The following RETREG3 variants were observed in gnomAD, a reference collection of about 807,000 sequenced individuals.
The protein encoded by RETREG3 is reticulophagy regulator 3.
RETREG3 carries 23 observed loss-of-function variants against 50.2 expected under a neutral mutation model. The ratio of observed to expected loss-of-function variants is 0.46; its 90% CI spans 0.33 to 0.65. RETREG3 has a LOEUF of 0.65. Among genes scored for constraint, RETREG3 ranks in the 30% least tolerant of loss-of-function variants. RETREG3 has a pLI of 0.02. For missense variants in RETREG3, 546 were observed against 598.0 expected, an observed-to-expected ratio of 0.91 and a Z score of 0.91; for synonymous variants, 240 against 234.4, an observed-to-expected ratio of 1.02 and a Z score of -0.22.
rs1398023772 is a variant in RETREG3, at chr17:42,583,516, A to G, written c.792T>C (p.Leu264=). The change falls in exon 7 of 9, where the codon CTT becomes CTC. Residue 264 remains leucine, a synonymous_variant. Transcript: ENST00000309428. The part of the protein sequence containing the change: ...MDNHSDSEEE[L]AAFCPQLDDS... ...AAGATACCTGAGGACAGAAGGCAGCAAGCTCCTCTTCGCTGTCACTGTGGT... is the reference window on the plus strand; with the variant it reads ...AAGATACCTGAGGACAGAAGGCAGCGAGCTCCTCTTCGCTGTCACTGTGGT... 2.5e-6 allele frequency: 4 copies of G among 1,613,656 alleles called. No homozygotes were observed. Among genetic ancestry groups the G allele is most frequent in the Non-Finnish European group, 3.4e-6 (4 of 1,179,808 alleles).
At chr17:42,604,437 A>G (rs1427879750) in intron 1 of RETREG3, among the ~76,000 whole-genome samples, 1 of 152,076 alleles carries the variant, frequency 6.6e-6, no homozygotes, top group African/African-American at 2.4e-5. Context: ...TAGGAGACCA[A>G]GCCGGGAGGG....
chr17:42,585,140 G>A lies in RETREG3; in HGVS notation c.712C>T (p.Gln238Ter). The change falls in exon 6 of 9, where the codon CAG (glutamine) becomes TAG (stop). Residue 238 changes from glutamine (Q) to a stop codon, truncating the protein, a stop_gained. Transcript: ENST00000309428. LOFTEE classifies it high-confidence loss of function. ...TGACACTTACATTGTCTCTCTCTCT[G>A]CTTGGACATCATGTAGCCACGGACA... is the stretch of plus-strand genomic sequence containing the variant. The part of the protein sequence containing the change: ...FSVRGYMMSK[Q>*]RERQLRRRAL... The A allele has an allele frequency of 6.2e-7, 1 of 1,613,144 alleles. No individual in the cohort carries two copies. The highest frequency in any genetic ancestry group is 8.5e-7 in the Non-Finnish European group (1 of 1,180,010).
Position 42,581,413 on chromosome 17 carries a change from T to G in RETREG3, c.*400A>C. On this transcript the variant is annotated 3_prime_UTR_variant, in exon 9 of 9. Transcript: ENST00000309428. ...TAACTACTCCAGCTGCTGCCTGACTTTGGGGGCTCTAGAGAGGCGATGAAA... is the reference window on the plus strand; with the variant it reads ...TAACTACTCCAGCTGCTGCCTGACTGTGGGGGCTCTAGAGAGGCGATGAAA... The G allele has an allele frequency of 6.0e-6, 1 of 166,568 alleles. No homozygotes were observed. Among genetic ancestry groups the G allele is most frequent in the Non-Finnish European group, 1.3e-5 (1 of 77,742 alleles). The allele number at this position is 166,568 out of a possible 1,614,324, so 10.3% of individuals were successfully genotyped here. A position where few individuals can be genotyped will look rare whatever the true frequency, so the allele number is the denominator to read the frequency against.
intron 1 of RETREG3, among the ~76,000 whole-genome samples, chr17:42,601,571 T>C (rs568302137): frequency 1.4e-4 from 15 of 106,234 alleles, no homozygotes; most frequent in Non-Finnish European, 2.3e-4. Context: ...AGCGAGACTC[T>C]CTCAAAAAAA....
chr17:42,587,765 A>G (rs2093124074), intron 3 of RETREG3, 69 bp downstream of exon 3: 1 of 1,568,474 alleles, frequency 6.4e-7, no homozygotes, highest in Non-Finnish European at 8.8e-7. Context: ...GGGGTTAACA[A>G]CATGTAACCA....
chr17:42,587,961 G>T, intron 2 of RETREG3, 97 bp from the exon 3 acceptor site: 1 of 1,382,814 alleles, frequency 7.2e-7, no homozygotes, highest in Non-Finnish European at 1.0e-6. Context: ...TTAATAGGTT[G>T]GGGAAAAGAA....
At chr17:42,605,838 A>C (rs2093166882) in intron 1 of RETREG3, among the ~76,000 whole-genome samples, 1 of 152,038 alleles carries the variant, frequency 6.6e-6, no homozygotes, top group South Asian at 2.1e-4. Flanking sequence ...CAAAAATACA[A>C]AAATTAGCCA....
At chr17:42,589,699 G>A (rs1387422800) in intron 2 of RETREG3, among the ~76,000 whole-genome samples, 3 of 152,136 alleles carry the variant, frequency 2.0e-5, no homozygotes, top group Non-Finnish European at 4.4e-5. Context: ...CTCCCAAAGT[G>A]CTGAGATCAC....
rs1021501639 is a variant in RETREG3, at chr17:42,581,509, C to T, written c.*304G>A. The T allele has an allele frequency of 3.1e-5, 9 of 291,672 alleles. No homozygotes were observed. The Admixed American group carries it at 4.3e-4, about 14-fold the overall frequency. 18.1% of individuals were successfully genotyped at this position (291,672 alleles called of 1,614,324 possible). On this transcript the variant is annotated 3_prime_UTR_variant, in exon 9 of 9. Coordinates refer to ENST00000309428, the MANE Select transcript of RETREG3 (RefSeq NM_178126.4). ...TCATACCTAAAAGCAAACAGCAGCA[C>T]CTCCTCAAAGGGGAACCAATATCCC... is the stretch of plus-strand genomic sequence containing the variant.
At position 42,586,501 on chromosome 17, in the gene RETREG3, T is replaced by A. The variant is rs148742725; in HGVS notation, c.504+264A>T. On this transcript the variant is annotated intron_variant, in intron 4 of 8. Coordinates refer to ENST00000309428, the MANE Select transcript of RETREG3 (RefSeq NM_178126.4). ...ATCACATATTTAATATGACACAGAA[T>A]GTACACAAGAAAGCTTTCTTTCCTA... 48 of 416,994 alleles carry A rather than the reference T, an allele frequency of 1.2e-4. No homozygotes were observed. In the East Asian group the frequency reaches 2.1e-3, roughly 18 times the overall value. The allele number at this position is 416,994 out of a possible 1,614,324, so 25.8% of individuals were successfully genotyped here.
At chr17:42,597,955 G>T (rs1429047356) in intron 1 of RETREG3, among the ~76,000 whole-genome samples, 2 of 142,678 alleles carry the variant, frequency 1.4e-5, no homozygotes, top group Non-Finnish European at 3.1e-5. Flanking sequence ...ATACCACAAA[G>T]AAAACTCTTC....
In RETREG3 at chr17:42,581,476, CT is replaced by C. The variant is rs1436728969; in HGVS notation, c.*336del. 1 of 225,554 alleles carries C rather than the reference CT, an allele frequency of 4.4e-6. No individual in the cohort carries two copies. Among genetic ancestry groups the C allele is most frequent in the Non-Finnish European group, 8.6e-6 (1 of 115,686 alleles). The allele number at this position is 225,554 out of a possible 1,614,324, so 14.0% of individuals were successfully genotyped here. ...GCATGGGCTCTTTCAGTGAGGGCCCCTGAGCACTCATACCTAAAAGCAAACA... is the reference window on the plus strand; with the variant it reads ...GCATGGGCTCTTTCAGTGAGGGCCCCGAGCACTCATACCTAAAAGCAAACA... On this transcript the variant is annotated 3_prime_UTR_variant, in exon 9 of 9. Coordinates refer to ENST00000309428, the MANE Select transcript of RETREG3 (RefSeq NM_178126.4).
In RETREG3 at chr17:42,585,357, CACAAAGTGTGGA is replaced by C. The variant is rs1362978354; in HGVS notation, c.590-107_590-96del. The C allele has an allele frequency of 4.6e-6, 7 of 1,514,256 alleles. No individual in the cohort carries two copies. In the East Asian group the frequency reaches 1.4e-4, roughly 30 times the overall value. The allele number at this position is 1,514,256 out of a possible 1,614,324, so 93.8% of individuals were successfully genotyped here. Reference sequence around the variant, plus strand: ...CTGCTATTGGTCCTTAGGGCTTGGACACAAAGTGTGGAACAGATCTGCCCAAGTCTGCCAGTC... The same window carrying C: ...CTGCTATTGGTCCTTAGGGCTTGGACACAGATCTGCCCAAGTCTGCCAGTC... On this transcript the variant is annotated intron_variant, in intron 5 of 8. Transcript: ENST00000309428.
At chr17:42,604,546 T>G (rs2093164173) in intron 1 of RETREG3, among the ~76,000 whole-genome samples, 1 of 151,910 alleles carries the variant, frequency 6.6e-6, no homozygotes, top group African/African-American at 2.4e-5. Flanking sequence ...GGCATGTGCC[T>G]CTAGTCCCAG....
At chr17:42,604,181 AAAAT>A (rs909281810) in intron 1 of RETREG3, among the ~76,000 whole-genome samples, 2 of 152,072 alleles carry the variant, frequency 1.3e-5, no homozygotes, top group Non-Finnish European at 2.9e-5. Flanking sequence ...GGGGCGGACA[AAAAT>A]AAAATTTTTA....
chr17:42,587,798 A>G, intron 3 of RETREG3, 36 bp downstream of exon 3: 1 of 1,613,082 alleles, frequency 6.2e-7, no homozygotes, highest in Non-Finnish European at 8.5e-7. Flanking sequence ...AGAATGAATC[A>G]GAGCAACAAA....
chr17:42,605,966 G>C (rs2093167121), intron 1 of RETREG3, among the ~76,000 whole-genome samples: 1 of 146,528 alleles, frequency 6.8e-6, no homozygotes, highest in South Asian at 2.2e-4. Context: ...ACCCCAGCCT[G>C]GGTGACAGAG....
chr17:42,581,597 C>A lies in RETREG3; in HGVS notation c.*216G>T. 1.9e-6 allele frequency: 1 copy of A among 531,086 alleles called. No individual in the cohort carries two copies. Among genetic ancestry groups the A allele is most frequent in the Non-Finnish European group, 3.3e-6 (1 of 302,392 alleles). 32.9% of individuals were successfully genotyped at this position (531,086 alleles called of 1,614,324 possible). A position where few individuals can be genotyped will look rare whatever the true frequency, so the allele number is the denominator to read the frequency against. The stretch of plus-strand genomic sequence containing the variant: ...GAGAAGCCTCCCTTGGGGGAGCACA[C>A]TCTCACTTCAGTGACTGAGCTCAGA... On this transcript the variant is annotated 3_prime_UTR_variant, in exon 9 of 9. Transcript: ENST00000309428.
chr17:42,590,289 TA>T (rs2093129937), intron 2 of RETREG3, among the ~76,000 whole-genome samples: 1 of 152,172 alleles, frequency 6.6e-6, no homozygotes, highest in African/African-American at 2.4e-5. Flanking sequence ...GAGGATCACT[TA>T]AGCCCAGGGA....
Sources: allele counts gnomAD v4.1 joint callset (sites outside exome capture counted in the v4.1 genomes callset), GRCh38; gene constraint gnomAD v4.1.1; transcripts MANE v1.5; gene names NCBI Gene and HGNC (gene_info 2026-07-23, HGNC 2026-07-21).